The following TARDBP variants were observed in gnomAD, a reference collection of about 807,000 sequenced individuals.
TARDBP encodes TAR DNA binding protein, also known as TAR DNA-binding protein 43.
A neutral mutation model predicts 38.3 loss-of-function variants in TARDBP; 4 were observed. That is an observed-to-expected ratio of 0.10 (90% CI 0.05 to 0.24). The LOEUF is 0.24. Among genes scored for constraint, TARDBP ranks in the 10% least tolerant of loss-of-function variants. TARDBP has a pLI of 1.00. For missense variants in TARDBP, 202 were observed against 521.9 expected, an observed-to-expected ratio of 0.39 and a Z score of 5.97; for synonymous variants, 184 against 183.8, an observed-to-expected ratio of 1.00 and a Z score of -0.01.
downstream of TARDBP, chr1:11,026,901 A>G (rs759294252): frequency 3.4e-6 from 5 of 1,481,960 alleles, no homozygotes; most frequent in South Asian, 5.8e-5. Context: ...ATCACTAATT[A>G]TGTTCTCGAT....
intron 2 of TARDBP, 64 bp downstream of exon 2, chr1:11,014,029 G>A: frequency 6.7e-7 from 1 of 1,499,964 alleles, no homozygotes; most frequent in Non-Finnish European, 9.3e-7. Context: ...CTCATCCATG[G>A]ATCTTAGCCT....
chr1:11,021,322 G>A (rs1643634378), intron 5 of TARDBP, among the ~76,000 whole-genome samples: 1 of 151,494 alleles, frequency 6.6e-6, no homozygotes, highest in African/African-American at 2.4e-5. Flanking sequence ...TGTGCTTTTA[G>A]TAGAGACAGG....
At chr1:11,027,753 T>A, downstream of TARDBP, 1 of 1,223,300 alleles carries the variant, frequency 8.2e-7, no homozygotes, top group Non-Finnish European at 1.1e-6. Flanking sequence ...AACCAAAAAT[T>A]ATATTACATG....
At chr1:11,015,259 G>A (rs1570714154) in intron 2 of TARDBP, among the ~76,000 whole-genome samples, 1 of 152,144 alleles carries the variant, frequency 6.6e-6, no homozygotes, top group East Asian at 1.9e-4. Context: ...GCTGAGGCAA[G>A]CAGATCACCT....
chr1:11,017,103 T>A, intron 3 of TARDBP, 96 bp downstream of exon 3: 1 of 1,385,788 alleles, frequency 7.2e-7, no homozygotes, highest in South Asian at 1.2e-5. Context: ...ATCACTATGT[T>A]CCCTAGGTTC....
chr1:11,023,896 C>T lies in TARDBP; in HGVS notation c.*1242C>T, dbSNP rs949402519. 1 of 152,620 alleles carries T rather than the reference C, an allele frequency of 6.6e-6. No individual in the cohort carries two copies. Among genetic ancestry groups the T allele is most frequent in the Non-Finnish European group, 1.5e-5 (1 of 68,066 alleles). 9.5% of individuals were successfully genotyped at this position (152,620 alleles called of 1,614,324 possible). A position where few individuals can be genotyped will look rare whatever the true frequency, so the allele number is the denominator to read the frequency against. On this transcript the variant is annotated 3_prime_UTR_variant, in exon 6 of 6. Coordinates refer to ENST00000240185, the MANE Select transcript of TARDBP (RefSeq NM_007375.4). The stretch of plus-strand genomic sequence containing the variant: ...ACTTGAAGCAGAGTTCACCAGTGAG[C>T]TCAGGTGTCTCAAAGAAGGGTGGAA...
At chr1:11,025,825 TAACTAC>T (rs1458220118), downstream of TARDBP, 1 of 154,784 alleles carries the variant, frequency 6.5e-6, no homozygotes, top group African/African-American at 2.4e-5. Context: ...AGTAGGAAGT[TAACTAC>T]TCCGTAATCC....
rs896590248 is a variant in TARDBP at position 11,022,975 on chromosome 1, G to A, written c.*321G>A. On this transcript the variant is annotated 3_prime_UTR_variant, in exon 6 of 6. Coordinates refer to ENST00000240185, the MANE Select transcript of TARDBP (RefSeq NM_007375.4). The surrounding 1 kb of genome is among the most constrained non-coding windows in gnomAD (Gnocchi z 4.5). ...TATTTTATCCCTGGACTTGTCAAGTGAATTCTTTGCATGTTCAAAACGGAA... is the reference window on the plus strand; with the variant it reads ...TATTTTATCCCTGGACTTGTCAAGTAAATTCTTTGCATGTTCAAAACGGAA... 1 of 1,390,224 alleles carries A rather than the reference G, an allele frequency of 7.2e-7. No individual in the cohort carries two copies. Among genetic ancestry groups the A allele is most frequent in the African/African-American group, 1.5e-5 (1 of 68,494 alleles). The allele number at this position is 1,390,224 out of a possible 1,614,324, so 86.1% of individuals were successfully genotyped here. A position where few individuals can be genotyped will look rare whatever the true frequency, so the allele number is the denominator to read the frequency against.
At position 11,017,026 on chromosome 1, in the gene TARDBP, A is replaced by G. The variant is rs200818944; in HGVS notation, c.402+19A>G. ...GGTGCAGGTAAACTTCGATTGCATC[A>G]AACAGTTTTTCTTTACCAGTGAATG... On this transcript the variant is annotated intron_variant, in intron 3 of 5. Coordinates refer to ENST00000240185, the MANE Select transcript of TARDBP (RefSeq NM_007375.4). 18 of 1,613,586 alleles carry G rather than the reference A, an allele frequency of 1.1e-5. No individual in the cohort carries two copies. The highest frequency in any genetic ancestry group is 2.7e-5 in the African/African-American group (2 of 75,020).
At chr1:11,026,613 G>A (rs1325850324), downstream of TARDBP, 2 of 289,052 alleles carry the variant, frequency 6.9e-6, no homozygotes, top group African/African-American at 2.2e-5. Context: ...GCTTTTTAAG[G>A]TAATGAAATG....
downstream of TARDBP, among the ~76,000 whole-genome samples, chr1:11,028,614 G>A (rs922657959): frequency 6.6e-5 from 10 of 151,680 alleles, no homozygotes; most frequent in Admixed American, 3.3e-4. Context: ...ACCTACAGAC[G>A]TTGTGTTAGC....
chr1:11,018,963 C>T (rs1440731749), intron 4 of TARDBP, 90 bp downstream of exon 4: 34 of 1,571,948 alleles, frequency 2.2e-5, no homozygotes, highest in Admixed American at 1.8e-4. Context: ...GAAAAGATAG[C>T]GGCAGGGTGT....
downstream of TARDBP, chr1:11,030,015 G>A: frequency 1.8e-6 from 1 of 567,252 alleles, no homozygotes; most frequent in Non-Finnish European, 3.1e-6. Flanking sequence ...CTGTATATGG[G>A]AAGGGGGTAA....
downstream of TARDBP, among the ~76,000 whole-genome samples, chr1:11,029,023 C>T (rs1400859324): frequency 2.7e-5 from 4 of 148,210 alleles, no homozygotes; most frequent in Non-Finnish European, 4.5e-5. Context: ...GACAGAGTCT[C>T]GCTCTGTTGC....
chr1:11,019,367 A>G (rs1643590722), intron 4 of TARDBP, among the ~76,000 whole-genome samples: 1 of 152,200 alleles, frequency 6.6e-6, no homozygotes, highest in Admixed American at 6.5e-5. Flanking sequence ...CGTGTACAGC[A>G]GTGGTCCCAT....
chr1:11,026,995 C>T (rs1412997992), downstream of TARDBP: 1 of 1,596,038 alleles, frequency 6.3e-7, no homozygotes, highest in Non-Finnish European at 8.5e-7. Flanking sequence ...GACACTATTC[C>T]TCCCACAAAC....
At chr1:11,017,075 T>TACCA in intron 3 of TARDBP, 68 bp downstream of exon 3, 6 of 1,522,968 alleles carry the variant, frequency 3.9e-6, no homozygotes, top group Non-Finnish European at 5.4e-6. Flanking sequence ...TATTTATTGG[T>TACCA]ATAAATAGAG....
chr1:11,022,622 A>G lies in TARDBP; in HGVS notation c.1213A>G (p.Met405Val), dbSNP rs762209110. ...TTTTAATGGAGGCTTTGGCTCAAGCATGGATTCTAAGTCTTCTGGCTGGGG... is the reference window on the plus strand; with the variant it reads ...TTTTAATGGAGGCTTTGGCTCAAGCGTGGATTCTAAGTCTTCTGGCTGGGG... ...SGFNGGFGSS[M>V]DSKSSGWGM Residue 405 changes from methionine (M) to valine (V), a missense_variant, in exon 6 of 6, where the codon ATG (methionine) becomes GTG (valine). Physicochemically the swap from Met to Val is conservative, Grantham distance 21 (BLOSUM62 1). Transcript: ENST00000240185. The surrounding 1 kb of genome is among the most constrained non-coding windows in gnomAD (Gnocchi z 4.5). The G allele has an allele frequency of 1.7e-5, 27 of 1,605,580 alleles. No individual in the cohort carries two copies. Among genetic ancestry groups the G allele is most frequent in the Non-Finnish European group, 2.0e-5 (24 of 1,175,508 alleles).
At chr1:11,025,982 A>T (rs1432956722), downstream of TARDBP, 1 of 154,822 alleles carries the variant, frequency 6.5e-6, no homozygotes, top group African/African-American at 2.4e-5. Flanking sequence ...CAAGTATTTC[A>T]TGTTCATTGT....
Sources: allele counts gnomAD v4.1 joint callset (sites outside exome capture counted in the v4.1 genomes callset), GRCh38; gene constraint gnomAD v4.1.1; non-coding constraint Gnocchi (gnomAD v3.1); transcripts MANE v1.5; gene names NCBI Gene and HGNC (gene_info 2026-07-23, HGNC 2026-07-21).